The following GZMA variants were observed in gnomAD, a reference collection of about 807,000 sequenced individuals.
GZMA encodes the protein CTL tryptase.
Under a neutral mutation model 21.1 loss-of-function variants are expected in GZMA, and 17 were observed. That is an observed-to-expected ratio of 0.81 (90% CI 0.55 to 1.21). The LOEUF is 1.21. Among genes scored for constraint, GZMA ranks in the 50% most tolerant of loss-of-function variants. The pLI is 0.00. For missense variants in GZMA, 306 were observed against 315.9 expected (o/e 0.97, Z 0.24); for synonymous variants, 90 against 107.8 (o/e 0.83, Z 1.03).
Position 55,105,505 on chromosome 5 carries a change from A to C in GZMA, c.102A>C (p.Glu34Asp). The change falls in exon 2 of 5, where the codon GAA (glutamate) becomes GAC (aspartate). Residue 34 changes from glutamate (E) to aspartate (D), a missense_variant. Transcript: ENST00000274306. ...GTGAAAAAATTATTGGAGGAAATGA[A>C]GTAACTCCTCATTCAAGACCCTACA... The part of the protein sequence containing the change: ...DVCEKIIGGN[E>D]VTPHSRPYMV... 1 of 1,611,524 alleles carries C rather than the reference A, an allele frequency of 6.2e-7. No individual in the cohort carries two copies. Among genetic ancestry groups the C allele is most frequent in the Non-Finnish European group, 8.5e-7 (1 of 1,177,824 alleles).
At chr5:55,106,631 A>G (rs550566235) in intron 2 of GZMA, among the ~76,000 whole-genome samples, 139 of 152,288 alleles carry the variant, frequency 9.1e-4, no homozygotes, top group Non-Finnish European at 1.7e-3. Flanking sequence ...CCTGGGTGCA[A>G]CCATCAAGTA....
intron 1 of GZMA, among the ~76,000 whole-genome samples, chr5:55,104,020 A>G (rs1039913527): frequency 2.6e-5 from 4 of 151,784 alleles, no homozygotes; most frequent in African/African-American, 9.7e-5. Flanking sequence ...AAAAACAAAA[A>G]AGAGAGAGAG....
At chr5:55,104,295 C>A (rs1742349590) in intron 1 of GZMA, among the ~76,000 whole-genome samples, 1 of 152,172 alleles carries the variant, frequency 6.6e-6, no homozygotes, top group South Asian at 2.1e-4. Context: ...CAGTTGAAAT[C>A]TATCTGTACA....
Position 55,110,004 on chromosome 5 carries a change from C to A in GZMA, c.628-17C>A, listed in dbSNP as rs1248230313. ...TGAACACTGACCCCACACCCTACCC[C>A]TCTTGTTTTCCTCCAGGGAGATTCT... On this transcript the variant is annotated splice_polypyrimidine_tract_variant and intron_variant, in intron 4 of 4. Transcript: ENST00000274306. 1 of 1,579,834 alleles carries A rather than the reference C, an allele frequency of 6.3e-7. No individual in the cohort carries two copies. Among genetic ancestry groups the A allele is most frequent in the Admixed American group, 1.9e-5 (1 of 53,992 alleles).
At chr5:55,105,677 T>C in intron 2 of GZMA, 59 bp downstream of exon 2, 2 of 1,468,092 alleles carry the variant, frequency 1.4e-6, no homozygotes, top group Non-Finnish European at 1.9e-6. Flanking sequence ...GGGGAAACAT[T>C]AATAAAAAGA....
Position 55,107,803 on chromosome 5 carries a change from G to T in GZMA, c.225G>T (p.Arg75Ser). 2 of 1,612,812 alleles carry T rather than the reference G, an allele frequency of 1.2e-6. No homozygotes were observed. Among genetic ancestry groups the T allele is most frequent in the Non-Finnish European group, 1.7e-6 (2 of 1,178,964 alleles). ...LTAAHCNLNK[R>S]SQVILGAHSI... The stretch of plus-strand genomic sequence containing the variant: ...TTGTGTCTGTTCTCAGGAACAAAAG[G>T]TCCCAGGTCATTCTTGGGGCTCACT... The change falls in exon 3 of 5, where the codon AGG (arginine) becomes AGT (serine). Residue 75 changes from arginine (R) to serine (S), a missense_variant. Coordinates refer to ENST00000274306, the MANE Select transcript of GZMA (RefSeq NM_006144.4).
chr5:55,106,456 C>T (rs546368945), intron 2 of GZMA, among the ~76,000 whole-genome samples: 1 of 152,096 alleles, frequency 6.6e-6, no homozygotes, highest in Non-Finnish European at 1.5e-5. Flanking sequence ...ACACTTGCCA[C>T]AAAGAATCAG....
chr5:55,102,789 A>G (rs911236946), intron 1 of GZMA, 37 bp downstream of exon 1: 1 of 1,278,460 alleles, frequency 7.8e-7, no homozygotes, highest in Non-Finnish European at 1.1e-6. Flanking sequence ...TATGACCATG[A>G]AGCAAAATGG....
intron 1 of GZMA, 59 bp from the exon 2 acceptor site, chr5:55,105,415 T>G: frequency 6.7e-7 from 1 of 1,481,970 alleles, no homozygotes; most frequent in Non-Finnish European, 9.2e-7. Flanking sequence ...GAAACATGAC[T>G]TTGTGTAGAG....
chr5:55,105,244 A>G (rs1418149479), intron 1 of GZMA, among the ~76,000 whole-genome samples: 5 of 152,178 alleles, frequency 3.3e-5, no homozygotes, highest in Non-Finnish European at 5.9e-5. Flanking sequence ...ATGATCCTGG[A>G]ACAGTCAATG....
At position 55,106,242 on chromosome 5, in the gene GZMA, T is replaced by C. The variant is rs1290247033; in HGVS notation, c.215+624T>C. Among the ~76,000 whole-genome samples the C allele has an allele frequency of 1.4e-3, 2 of 1,382 alleles. 1 individual carries two copies. The highest frequency in any genetic ancestry group is 3.6e-3 in the African/African-American group (2 of 556). 0.9% of individuals were successfully genotyped at this position (1,382 alleles called of 152,430 possible). ...AAAAATAAAATAAAATAAAATAAAA[T>C]AAAATAAAATAAAATAAAATAAATA... On this transcript the variant is annotated intron_variant, in intron 2 of 4. Coordinates refer to ENST00000274306, the MANE Select transcript of GZMA (RefSeq NM_006144.4).
At position 55,110,064 on chromosome 5, in the gene GZMA, G is replaced by C. The variant is rs1481184460; in HGVS notation, c.671G>C (p.Gly224Ala). 5.0e-6 allele frequency: 8 copies of C among 1,612,094 alleles called. No homozygotes were observed. Among genetic ancestry groups the C allele is most frequent in the Non-Finnish European group, 6.8e-6 (8 of 1,179,216 alleles). The change falls in exon 5 of 5, where the codon GGG becomes GCG. Residue 224 changes from glycine (G) to alanine (A), a missense_variant. Gly to Ala is a moderately conservative substitution (Grantham distance 60). Coordinates refer to ENST00000274306, the MANE Select transcript of GZMA (RefSeq NM_006144.4). ...TTGTTGTGCGAGGGTGTTTTCCGAG[G>C]GGTCACTTCCTTTGGCCTTGAAAAT... ...SPLLCEGVFR[G>A]VTSFGLENKC...
In GZMA at chr5:55,110,250, G is replaced by C. The variant is rs1332794434; in HGVS notation, c.*68G>C. Reference sequence around the variant, plus strand: ...ACAAATAAAATCAATTTGCATGACTGTACCTGTTTCTCTCTTGTAACCTTA... The same window carrying C: ...ACAAATAAAATCAATTTGCATGACTCTACCTGTTTCTCTCTTGTAACCTTA... On this transcript the variant is annotated 3_prime_UTR_variant, in exon 5 of 5. Transcript: ENST00000274306. 8.3e-6 allele frequency: 10 copies of C among 1,208,926 alleles called. No homozygotes were observed. The East Asian group carries it at 2.5e-4, about 30-fold the overall frequency. 74.9% of individuals were successfully genotyped at this position (1,208,926 alleles called of 1,614,324 possible). A position where few individuals can be genotyped will look rare whatever the true frequency, so the allele number is the denominator to read the frequency against.
intron 4 of GZMA, 55 bp from the exon 5 acceptor site, chr5:55,109,966 C>T: frequency 1.5e-6 from 2 of 1,297,536 alleles, no homozygotes; most frequent in Non-Finnish European, 2.0e-6. Flanking sequence ...TTCCATTTCA[C>T]TAGTGGTAAT....
intron 1 of GZMA, among the ~76,000 whole-genome samples, chr5:55,105,079 C>T (rs1742363672): frequency 6.6e-6 from 1 of 152,178 alleles, no homozygotes; most frequent in African/African-American, 2.4e-5. Flanking sequence ...AAAGTCTTAT[C>T]TATTTCCCCC....
In GZMA at chr5:55,106,237, TAAA is replaced by T. The variant is rs1451816931; in HGVS notation, c.215+621_215+623del. On this transcript the variant is annotated intron_variant, in intron 2 of 4. Coordinates refer to ENST00000274306, the MANE Select transcript of GZMA (RefSeq NM_006144.4). ...AAATAAAAAATAAAATAAAATAAAATAAAATAAAATAAAATAAAATAAAATAAA... is the reference window on the plus strand; with the variant it reads ...AAATAAAAAATAAAATAAAATAAAATATAAAATAAAATAAAATAAAATAAA... Among the ~76,000 whole-genome samples, 2 of 1,130 alleles carry T rather than the reference TAAA, an allele frequency of 1.8e-3. 1 individual carries two copies. Among genetic ancestry groups the T allele is most frequent in the African/African-American group, 4.1e-3 (2 of 492 alleles). The allele number at this position is 1,130 out of a possible 152,430, so 0.7% of individuals were successfully genotyped here.
At chr5:55,108,006 T>A in intron 3 of GZMA, 71 bp downstream of exon 3, 1 of 1,460,406 alleles carries the variant, frequency 6.8e-7, no homozygotes, top group Non-Finnish European at 9.5e-7. Context: ...GTGAAAACCT[T>A]TCCTTGGTGC....
rs1706649014 is a variant in GZMA, at chr5:55,106,248, A to AAAAT, written c.215+634_215+637dup. Among the ~76,000 whole-genome samples, 2 of 5,410 alleles carry AAAAT rather than the reference A, an allele frequency of 3.7e-4. 1 individual carries two copies. Among genetic ancestry groups the AAAAT allele is most frequent in the African/African-American group, 8.7e-4 (2 of 2,310 alleles). The allele number at this position is 5,410 out of a possible 152,430, so 3.5% of individuals were successfully genotyped here. On this transcript the variant is annotated intron_variant, in intron 2 of 4. Coordinates refer to ENST00000274306, the MANE Select transcript of GZMA (RefSeq NM_006144.4). ...AAAATAAAATAAAATAAAATAAAAT[A>AAAAT]AAATAAAATAAAATAAATAAAATAA...
In GZMA at chr5:55,107,780, G is replaced by C. The variant is rs1742438103; in HGVS notation, c.216-14G>C. On this transcript the variant is annotated splice_polypyrimidine_tract_variant and intron_variant, in intron 2 of 4. Transcript: ENST00000274306. The stretch of plus-strand genomic sequence containing the variant: ...AAGAATAAATCCAGTAAATAATGTT[G>C]TGTCTGTTCTCAGGAACAAAAGGTC... The C allele has an allele frequency of 6.2e-7, 1 of 1,607,590 alleles. No individual in the cohort carries two copies. Among genetic ancestry groups the C allele is most frequent in the African/African-American group, 1.3e-5 (1 of 74,872 alleles).
Sources: allele counts gnomAD v4.1 joint callset (sites outside exome capture counted in the v4.1 genomes callset), GRCh38; gene constraint gnomAD v4.1.1; transcripts MANE v1.5; gene names NCBI Gene and HGNC (gene_info 2026-07-23, HGNC 2026-07-21).